Variants in KDM1A observed in about 807,000 individuals in gnomAD.
The protein encoded by KDM1A is lysine demethylase 1A.
Under a neutral mutation model 109.4 loss-of-function variants are expected in KDM1A, and 49 were observed. The ratio of observed to expected loss-of-function variants is 0.45; its 90% CI spans 0.36 to 0.57. The LOEUF (loss-of-function observed/expected upper bound fraction) is 0.57. KDM1A is among the 20% of genes least tolerant of loss of function. The probability of loss-of-function intolerance (pLI) is 0.00; values close to 1 mark genes in which losing one functional copy is unlikely to be tolerated. For missense variants in KDM1A, 668 were observed against 1,116.6 expected (o/e 0.60, Z 5.73); for synonymous variants, 380 against 415.4 (o/e 0.91, Z 1.04).
intron 1 of KDM1A, among the ~76,000 whole-genome samples, chr1:23,027,501 AC>A (rs57814592): frequency 0.07 from 7,334 of 104,576 alleles, 798 homozygotes; most frequent in African/African-American, 0.24. Flanking sequence ...TGTAGCCTTG[AC>A]CCCCCCCCGC....
intron 9 of KDM1A, 116 bp downstream of exon 9, chr1:23,059,283 A>G: frequency 1.3e-6 from 1 of 773,674 alleles, no homozygotes; most frequent in Non-Finnish European, 2.3e-6. Context: ...GTATATATAT[A>G]TAAACTGAGG....
chr1:23,023,443 G>A (rs1352674723), intron 1 of KDM1A, among the ~76,000 whole-genome samples: 1 of 152,188 alleles, frequency 6.6e-6, no homozygotes, highest in African/African-American at 2.4e-5. Context: ...TCCCAGCACA[G>A]TTTATTGAAG....
chr1:23,058,512 G>A (rs907943255), intron 8 of KDM1A, among the ~76,000 whole-genome samples: 4 of 152,118 alleles, frequency 2.6e-5, no homozygotes, highest in Non-Finnish European at 4.4e-5. Flanking sequence ...CACAACGCCC[G>A]GCCTTGTTTG....
intron 1 of KDM1A, 157 bp downstream of exon 1, chr1:23,020,104 TG>T: frequency 1.2e-6 from 1 of 803,614 alleles, no homozygotes; most frequent in Non-Finnish European, 1.7e-6. Context: ...GCTGGACGGG[TG>T]GGGTGAGAAA....
chr1:23,065,258 G>T (rs1643130234), intron 9 of KDM1A, among the ~76,000 whole-genome samples: 1 of 152,130 alleles, frequency 6.6e-6, no homozygotes, highest in African/African-American at 2.4e-5. Context: ...GGAAATAAAT[G>T]ACTTAAAGTA....
chr1:23,069,073 G>A lies in KDM1A; in HGVS notation c.1335G>A (p.Lys445=). The change falls in exon 12 of 21, where the codon AAG becomes AAA. Residue 445 remains lysine (K), a synonymous_variant. Transcript: ENST00000400181. ...ALEVVIQLQE[K]HVKDEQIEHW... ...TTGTCTCTCTTAGGTTACAAGAGAA[G>A]CATGTCAAAGATGAGCAGATTGAAC... The A allele has an allele frequency of 1.2e-6, 2 of 1,608,274 alleles. No individual in the cohort carries two copies. The highest frequency in any genetic ancestry group is 1.7e-6 in the Non-Finnish European group (2 of 1,177,104).
At chr1:23,076,386 T>G (rs897665783) in intron 15 of KDM1A, among the ~76,000 whole-genome samples, 2 of 152,148 alleles carry the variant, frequency 1.3e-5, no homozygotes, top group Non-Finnish European at 2.9e-5. Context: ...CTCTTTATGG[T>G]CCTAGATTAC....
In KDM1A at chr1:23,019,949, T is replaced by A. The variant is rs1641565510; in HGVS notation, c.351+2T>A. ...ACCAGCCGGCGCAAGCGGGCGAAGG[T>A]AAGGCTCGACCCTTCCCTCAAACGA... On this transcript the variant is annotated splice_donor_variant, in intron 1 of 20. Coordinates refer to ENST00000400181, the MANE Select transcript of KDM1A (RefSeq NM_001009999.3). LOFTEE classifies it high-confidence loss of function. 1 of 1,553,888 alleles carries A rather than the reference T, an allele frequency of 6.4e-7. No homozygotes were observed. The highest frequency in any genetic ancestry group is 1.9e-5 in the Admixed American group (1 of 52,556).
Position 23,079,509 on chromosome 1 carries a change from A to C in KDM1A, c.2056-44A>C, listed in dbSNP as rs1643559421. ...AAGGAAGTCTGTTGAAGCCAGTATT[A>C]TCTGGCCCCTGTCACTGGCTCATGT... On this transcript the variant is annotated intron_variant, in intron 17 of 20. Transcript: ENST00000400181. The surrounding 1 kb of genome is among the most constrained non-coding windows in gnomAD (Gnocchi z 5.6). 2 of 1,438,162 alleles carry C rather than the reference A, an allele frequency of 1.4e-6. No individual in the cohort carries two copies. Among genetic ancestry groups the C allele is most frequent in the Non-Finnish European group, 1.9e-6 (2 of 1,026,532 alleles). 89.1% of individuals were successfully genotyped at this position (1,438,162 alleles called of 1,614,324 possible).
chr1:23,026,048 G>A (rs757133423), intron 1 of KDM1A, among the ~76,000 whole-genome samples: 11 of 152,078 alleles, frequency 7.2e-5, no homozygotes, highest in Non-Finnish European at 1.3e-4. Context: ...CTGAGATCAC[G>A]CCACTGCTTT....
At chr1:23,022,366 G>A (rs1641662089) in intron 1 of KDM1A, among the ~76,000 whole-genome samples, 1 of 149,886 alleles carries the variant, frequency 6.7e-6, no homozygotes, top group South Asian at 2.1e-4. Flanking sequence ...ATGGGGTTTC[G>A]CTTTTGTTGC....
At chr1:23,083,065 T>C (rs1643668656) in intron 20 of KDM1A, 114 bp from the exon 21 acceptor site, 3 of 876,746 alleles carry the variant, frequency 3.4e-6, no homozygotes, top group Non-Finnish European at 3.6e-6. Context: ...TGAATAGTAA[T>C]TGGGGGGGTC....
At chr1:23,055,410 T>C in intron 6 of KDM1A, 1 of 242,492 alleles carries the variant, frequency 4.1e-6, no homozygotes, top group Non-Finnish European at 7.7e-6. Context: ...GATACTGGAT[T>C]TCCAATTTAA....
chr1:23,057,337 T>C, intron 7 of KDM1A, 147 bp from the exon 8 acceptor site: 2 of 611,536 alleles, frequency 3.3e-6, no homozygotes, highest in South Asian at 2.1e-5. Flanking sequence ...CATTTGTTCT[T>C]TGTGCCCATA....
Position 23,038,630 on chromosome 1 carries a change from A to G in KDM1A, c.518-5797A>G, listed in dbSNP as rs373307941. Among the ~76,000 whole-genome samples, 11 of 152,282 alleles carry G rather than the reference A, an allele frequency of 7.2e-5. No homozygotes were observed. The East Asian group carries it at 1.9e-3, about 27-fold the overall frequency. On this transcript the variant is annotated intron_variant, in intron 2 of 20. Transcript: ENST00000400181. Reference sequence around the variant, plus strand: ...ATATGTGAAAAAGTAAATTCTTTCCATTGGCTTCTAAAGCTTTGCATTTCT... The same window carrying G: ...ATATGTGAAAAAGTAAATTCTTTCCGTTGGCTTCTAAAGCTTTGCATTTCT...
At chr1:23,041,309 A>G (rs927391980) in intron 2 of KDM1A, among the ~76,000 whole-genome samples, 3 of 152,062 alleles carry the variant, frequency 2.0e-5, no homozygotes, top group Non-Finnish European at 4.4e-5. Context: ...AGAGATAAAT[A>G]ACTTGTTTCT....
intron 2 of KDM1A, among the ~76,000 whole-genome samples, chr1:23,040,020 C>T (rs1443206001): frequency 6.6e-6 from 1 of 152,212 alleles, no homozygotes; most frequent in Non-Finnish European, 1.5e-5. Context: ...TGAAATGTTT[C>T]TTTCACCTGC....
chr1:23,026,397 T>TGG (rs1553124907), intron 1 of KDM1A, among the ~76,000 whole-genome samples: 8 of 57,398 alleles, frequency 1.4e-4, no homozygotes, highest in African/African-American at 7.3e-4. Context: ...TCTGTTTGTT[T>TGG]TTTTTTTTTT....
intron 5 of KDM1A, 87 bp from the exon 6 acceptor site, chr1:23,054,982 C>A: frequency 1.2e-6 from 1 of 836,658 alleles, no homozygotes; most frequent in Non-Finnish European, 1.9e-6. Flanking sequence ...GTTTTAAGGA[C>A]TTCATGATGG....
Sources: gnomAD v4.1 joint callset for allele counts (sites outside exome capture counted in the v4.1 genomes callset) on GRCh38, gnomAD v4.1.1 for gene constraint, Gnocchi (gnomAD v3.1) non-coding constraint, MANE v1.5 for transcripts, NCBI Gene and HGNC (gene_info 2026-07-23, HGNC 2026-07-21) for gene names.